The following PLEKHA4 variants were observed in gnomAD, a reference collection of about 807,000 sequenced individuals.
PLEKHA4 encodes pleckstrin homology domain containing A4.
Under a neutral mutation model 94.7 loss-of-function variants are expected in PLEKHA4, and 73 were observed. That is an observed-to-expected ratio of 0.77 (90% CI 0.64 to 0.94). The LOEUF (loss-of-function observed/expected upper bound fraction) is 0.94. Among genes scored for constraint, PLEKHA4 ranks in the 40% least tolerant of loss-of-function variants. The pLI, the probability that PLEKHA4 is intolerant of heterozygous loss-of-function variation, is 0.00. For missense variants in PLEKHA4, 1,049 were observed against 1,054.1 expected, an observed-to-expected ratio of 1.00 and a Z score of 0.07; for synonymous variants, 449 against 437.1, an observed-to-expected ratio of 1.03 and a Z score of -0.34.
Position 48,861,423 on chromosome 19 carries a change from C to G in PLEKHA4, c.344G>C (p.Arg115Pro), listed in dbSNP as rs369327643. ...CACGGTGAAGGTGAAGCGCCGCCCT[C>G]GGGGGGCTCCCGGCCCATCTGGTCT... ...NIRPDGPGAP[R>P]GRRFTFTAEH... Residue 115 changes from arginine (R) to proline (P), a missense_variant, in exon 5 of 20, where the codon CGA becomes CCA. Transcript: ENST00000263265. 2.9e-5 allele frequency: 46 copies of G among 1,613,836 alleles called. No homozygotes were observed. The highest frequency in any genetic ancestry group is 2.7e-4 in the South Asian group (25 of 91,078).
At chr19:48,855,784 G>C (rs546049208) in intron 9 of PLEKHA4, among the ~76,000 whole-genome samples, 27 of 150,866 alleles carry the variant, frequency 1.8e-4, no homozygotes, top group Admixed American at 1.2e-3. Flanking sequence ...GTGAGACTCT[G>C]TCTCAAGAAA....
Position 48,852,411 on chromosome 19 carries a change from G to A in PLEKHA4, c.1327-85C>T. 4 of 1,062,180 alleles carry A rather than the reference G, an allele frequency of 3.8e-6. No individual in the cohort carries two copies. In the South Asian group the frequency reaches 4.0e-5, roughly 11 times the overall value. The allele number at this position is 1,062,180 out of a possible 1,614,324, so 65.8% of individuals were successfully genotyped here. ...ACCCCATCATTTGTCAGCTAAGGAGGAGATAAGGGAGTTTGGTCCCTGGAG... is the reference window on the plus strand; with the variant it reads ...ACCCCATCATTTGTCAGCTAAGGAGAAGATAAGGGAGTTTGGTCCCTGGAG... On this transcript the variant is annotated intron_variant, in intron 12 of 19. Coordinates refer to ENST00000263265, the MANE Select transcript of PLEKHA4 (RefSeq NM_020904.3).
chr19:48,837,359 G>A lies in PLEKHA4; in HGVS notation c.2270C>T (p.Ala757Val), dbSNP rs757988547. 3 of 1,613,788 alleles carry A rather than the reference G, an allele frequency of 1.9e-6. No homozygotes were observed. The African/African-American group carries it at 4.0e-5, about 21-fold the overall frequency. Residue 757 changes from alanine (A) to valine (V), a missense_variant, in exon 20 of 20, where the codon GCC becomes GTC. Ala to Val is a moderately conservative substitution (Grantham distance 64, BLOSUM62 0). Transcript: ENST00000263265. This position sits in a 1 kb window ranked among gnomAD's most constrained non-coding sequence, Gnocchi z 4.3. ...CTCGTCTTGTGGCAGGACCGGAGGGGCGATCCCGGCATCCCACGCGGGCCC... is the reference window on the plus strand; with the variant it reads ...CTCGTCTTGTGGCAGGACCGGAGGGACGATCCCGGCATCCCACGCGGGCCC... ...PWGPAWDAGI[A>V]PPVLPQDEGA...
rs1044605289 is a variant in PLEKHA4, at chr19:48,860,361, C to T, written c.465G>A (p.Glu155=). ...LRALGRASRA[E]GDDYGQPRSP... is the part of the protein sequence containing the mutation. ...GGACCTCTACTCACTAGTCGTCCCCCTCCGCACGGGAGGCCCGGCCCAGCG... is the reference window on the plus strand; with the variant it reads ...GGACCTCTACTCACTAGTCGTCCCCTTCCGCACGGGAGGCCCGGCCCAGCG... Residue 155 remains glutamate (E), a synonymous_variant, in exon 6 of 20, where the codon GAG becomes GAA. Transcript: ENST00000263265. The T allele has an allele frequency of 5.6e-6, 9 of 1,613,836 alleles. No homozygotes were observed. The highest frequency in any genetic ancestry group is 7.6e-6 in the Non-Finnish European group (9 of 1,179,960).
rs955595689 is a variant in PLEKHA4, at chr19:48,850,161, A to AC, written c.1425+2066dup. 6.8e-3 allele frequency among the ~76,000 whole-genome samples: 1,025 copies of AC among 151,234 alleles called. 10 individuals carry two copies. The highest frequency in any genetic ancestry group is 0.023 in the African/African-American group (957 of 41,130). ...GCAGAGGTTGCAGTGAGCCGAGATC[A>AC]CACCACTGCACTCCAGCCTGGGCAA... On this transcript the variant is annotated intron_variant, in intron 13 of 19. Transcript: ENST00000263265.
intron 3 of PLEKHA4, among the ~76,000 whole-genome samples, chr19:48,865,244 T>G (rs1408340886): frequency 2.0e-5 from 3 of 152,116 alleles, no homozygotes; most frequent in Non-Finnish European, 4.4e-5. Context: ...CTCGGGAGGC[T>G]GAGGCACGAG....
Position 48,859,611 on chromosome 19 carries a change from T to A in PLEKHA4, c.550A>T (p.Ser184Cys), listed in dbSNP as rs1246377637. ...PGGPGGPPEVSRGEEGRISES... is the reference protein window; with the variant it reads ...PGGPGGPPEVCRGEEGRISES... ...GAGATGCGCCCCTCTTCCCCTCTGC[T>A]CACCTCCGGGGGACCACCGGGGCCG... The change falls in exon 7 of 20, where the codon AGC becomes TGC. Residue 184 changes from serine (S) to cysteine (C), a missense_variant. Coordinates refer to ENST00000263265, the MANE Select transcript of PLEKHA4 (RefSeq NM_020904.3). 1 of 1,613,510 alleles carries A rather than the reference T, an allele frequency of 6.2e-7. No homozygotes were observed. The highest frequency in any genetic ancestry group is 1.7e-5 in the Admixed American group (1 of 59,996).
intron 14 of PLEKHA4, among the ~76,000 whole-genome samples, chr19:48,846,739 G>C (rs1298888938): frequency 6.6e-6 from 1 of 152,182 alleles, no homozygotes; most frequent in East Asian, 1.9e-4. Context: ...CTGCACTCCA[G>C]CCTGGGTGAC....
At chr19:48,841,015 A>C in intron 17 of PLEKHA4, 134 bp downstream of exon 17, 1 of 940,048 alleles carries the variant, frequency 1.1e-6, no homozygotes, top group East Asian at 2.7e-5. Context: ...CACAAGTACA[A>C]ACTGGGGTAA....
At position 48,861,584 on chromosome 19, in the gene PLEKHA4, G is replaced by A. The variant is rs531631010; in HGVS notation, c.265+36C>T. ...AGAGAAGGGCAGACTGGGCGGGGGG[G>A]CCCTCCCACCCCAAGCCAGCCAGCC... is the stretch of plus-strand genomic sequence containing the variant. On this transcript the variant is annotated intron_variant, in intron 4 of 19. Coordinates refer to ENST00000263265, the MANE Select transcript of PLEKHA4 (RefSeq NM_020904.3). The A allele has an allele frequency of 1.6e-4, 257 of 1,611,868 alleles. 1 individual carries two copies. The African/African-American group carries it at 3.1e-3, about 19-fold the overall frequency.
In PLEKHA4 at chr19:48,861,525, G is replaced by A. The variant is rs571658812; in HGVS notation, c.266-24C>T. The A allele has an allele frequency of 5.2e-4, 837 of 1,613,250 alleles. 7 individuals are homozygous for A. In the South Asian group the frequency reaches 8.6e-3, roughly 17 times the overall value. On this transcript the variant is annotated intron_variant, in intron 4 of 19. Coordinates refer to ENST00000263265, the MANE Select transcript of PLEKHA4 (RefSeq NM_020904.3). The stretch of plus-strand genomic sequence containing the variant: ...GTCTGCAAAGAGGGGCTGGGGTCAA[G>A]GATCACACAGGGATCAGAAGGCCAA...
At chr19:48,846,932 A>G (rs1054586979) in intron 14 of PLEKHA4, among the ~76,000 whole-genome samples, 14 of 152,142 alleles carry the variant, frequency 9.2e-5, no homozygotes, top group African/African-American at 3.1e-4. Flanking sequence ...GCTGGAGTAC[A>G]GTGGTGCAAT....
Position 48,859,080 on chromosome 19 carries a change from G to T in PLEKHA4, c.752C>A (p.Ala251Asp). 7.5e-7 allele frequency: 1 copy of T among 1,334,010 alleles called. No homozygotes were observed. 82.6% of individuals were successfully genotyped at this position (1,334,010 alleles called of 1,614,324 possible). The part of the protein sequence containing the change: ...SPLSLPRPRS[A>D]PARRPPAPSG... ...GGGGGCAGGGGGTCGCCGCGCAGGG[G>T]CAGAACGGGGACGGGGGAGGCTCAG... Residue 251 changes from alanine to aspartate, a missense_variant, in exon 8 of 20, where the codon GCC becomes GAC. Ala to Asp is a moderately radical substitution (Grantham distance 126). Coordinates refer to ENST00000263265, the MANE Select transcript of PLEKHA4 (RefSeq NM_020904.3).
rs759934250 is a variant in PLEKHA4, at chr19:48,853,743, C to T, written c.1265G>A (p.Arg422His). Residue 422 changes from arginine to histidine, a missense_variant, in exon 12 of 20, where the codon CGC (arginine) becomes CAC (histidine). Coordinates refer to ENST00000263265, the MANE Select transcript of PLEKHA4 (RefSeq NM_020904.3). ...EAGAPGRAWGRQRLLQDRLVS... is the reference protein window; with the variant it reads ...EAGAPGRAWGHQRLLQDRLVS... ...CAGCCGGTCCTGCAAGAGGCGCTGG[C>T]GACCCCAGGCCCTCCCGGGAGCCCC... The T allele has an allele frequency of 2.4e-5, 39 of 1,611,310 alleles. No homozygotes were observed. In the South Asian group the frequency reaches 2.4e-4, roughly 10 times the overall value.
Position 48,853,738 on chromosome 19 carries a change from G to T in PLEKHA4, c.1270C>A (p.Arg424Ser), listed in dbSNP as rs766593638. 2.5e-6 allele frequency: 4 copies of T among 1,610,854 alleles called. No homozygotes were observed. The Admixed American group carries it at 6.7e-5, about 27-fold the overall frequency. The change falls in exon 12 of 20, where the codon CGC becomes AGC. Residue 424 changes from arginine (R) to serine (S), a missense_variant. Transcript: ENST00000263265. The part of the protein sequence containing the change: ...GAPGRAWGRQ[R>S]LLQDRLVSVR... ...CTGACCAGCCGGTCCTGCAAGAGGC[G>T]CTGGCGACCCCAGGCCCTCCCGGGA... is the stretch of plus-strand genomic sequence containing the variant.
chr19:48,837,592 C>G lies in PLEKHA4; in HGVS notation c.2078-41G>C. On this transcript the variant is annotated intron_variant, in intron 19 of 19. Transcript: ENST00000263265. The surrounding 1 kb of genome is among the most constrained non-coding windows in gnomAD (Gnocchi z 4.3). ...GGGACATGAGAATGGCAAACCTCAG[C>G]GCTAGGACCCCGGATTCCCAGCCCC... 1 of 1,608,384 alleles carries G rather than the reference C, an allele frequency of 6.2e-7. No homozygotes were observed. The highest frequency in any genetic ancestry group is 8.5e-7 in the Non-Finnish European group (1 of 1,177,668).
rs530305804 is a variant in PLEKHA4 at position 48,859,532 on chromosome 19, A to C, written c.629T>G (p.Leu210Arg). The change falls in exon 7 of 20, where the codon CTC (leucine) becomes CGC (arginine). Residue 210 changes from leucine to arginine, a missense_variant. Leu to Arg is a moderately radical substitution (Grantham distance 102, BLOSUM62 -2). Transcript: ENST00000263265. ...LSRGRGRPRL[L>R]TPSPTTDLHS... ...GAGGTCGGTTGTGGGGCTGGGAGTG[A>C]GCAGCCTGGGTCTACCACGACCTCT... The C allele has an allele frequency of 9.5e-5, 153 of 1,613,960 alleles. No individual in the cohort carries two copies. The South Asian group carries it at 1.5e-3, about 15-fold the overall frequency.
chr19:48,838,916 C>T (rs779241277), intron 18 of PLEKHA4, among the ~76,000 whole-genome samples: 4 of 152,216 alleles, frequency 2.6e-5, no homozygotes, highest in Non-Finnish European at 4.4e-5. Flanking sequence ...GCCCTCATAC[C>T]GCCCACATGC....
chr19:48,865,655 G>T, intron 2 of PLEKHA4, 45 bp from the exon 3 acceptor site: 1 of 1,387,086 alleles, frequency 7.2e-7, no homozygotes, highest in African/African-American at 1.5e-5. Flanking sequence ...AGCCTAGGAT[G>T]GTCCTGGGAG....
Sources: allele counts gnomAD v4.1 joint callset (sites outside exome capture counted in the v4.1 genomes callset), GRCh38; gene constraint gnomAD v4.1.1; non-coding constraint Gnocchi (gnomAD v3.1); transcripts MANE v1.5; gene names NCBI Gene and HGNC (gene_info 2026-07-23, HGNC 2026-07-21).